IKZF2: variants seen among roughly 807,000 people sequenced by gnomAD.
IKZF2 encodes the protein zinc finger protein Helios.
IKZF2 carries 15 observed loss-of-function variants against 49.2 expected under a neutral mutation model. The ratio of observed to expected loss-of-function variants is 0.30; its 90% CI spans 0.20 to 0.47. The LOEUF is 0.47. Ranked by LOEUF, IKZF2 falls within the 20% of genes least tolerant of loss-of-function variation. The pLI is 1.00. For missense variants in IKZF2, 567 were observed against 664.6 expected (o/e 0.85, Z 1.61); for synonymous variants, 227 against 221.4 (o/e 1.03, Z -0.23).
rs1694835925 is a variant in IKZF2 at position 213,000,761 on chromosome 2, T to C, written c.*6599A>G. On this transcript the variant is annotated 3_prime_UTR_variant, in exon 9 of 9. Coordinates refer to ENST00000434687, the MANE Select transcript of IKZF2 (RefSeq NM_001387220.1). ...GCTTTGCTTTTATTTAAAAGTTTAT[T>C]TCTAAAAGGGGAGAAGTAAAATAAA... 1 of 151,952 alleles carries C rather than the reference T, an allele frequency of 6.6e-6. No individual in the cohort carries two copies. The highest frequency in any genetic ancestry group is 6.6e-5 in the Admixed American group (1 of 15,162). 9.4% of individuals were successfully genotyped at this position (151,952 alleles called of 1,614,324 possible). A position where few individuals can be genotyped will look rare whatever the true frequency, so the allele number is the denominator to read the frequency against.
chr2:213,128,463 C>T (rs1459655949), intron 4 of IKZF2, among the ~76,000 whole-genome samples: 1 of 152,138 alleles, frequency 6.6e-6, no homozygotes, highest in Non-Finnish European at 1.5e-5. Flanking sequence ...TCCCTTACGG[C>T]TTAACCCAAA....
chr2:213,050,777 G>T (rs997248640), intron 5 of IKZF2, among the ~76,000 whole-genome samples: 3 of 151,982 alleles, frequency 2.0e-5, no homozygotes, highest in Non-Finnish European at 2.9e-5. Flanking sequence ...AAACATGTAC[G>T]CAATGAAGCA....
intron 6 of IKZF2, among the ~76,000 whole-genome samples, chr2:213,028,273 C>A (rs1365369220): frequency 6.6e-6 from 1 of 152,082 alleles, no homozygotes; most frequent in Admixed American, 6.5e-5. Context: ...ACCAACAGAG[C>A]AAGTCTTAGG....
At chr2:213,085,784 C>T (rs1704511300) in intron 4 of IKZF2, among the ~76,000 whole-genome samples, 1 of 152,196 alleles carries the variant, frequency 6.6e-6, no homozygotes. Context: ...TGTATAACCT[C>T]TTTATGTTTT....
intron 4 of IKZF2, among the ~76,000 whole-genome samples, chr2:213,116,211 TTAA>T (rs2125803416): frequency 6.6e-6 from 1 of 152,310 alleles, no homozygotes; most frequent in East Asian, 1.9e-4. Context: ...TCTGTAGCTG[TTAA>T]TAATTATAAT....
intron 6 of IKZF2, among the ~76,000 whole-genome samples, chr2:213,036,785 C>T (rs1699075198): frequency 1.3e-5 from 2 of 152,000 alleles, no homozygotes; most frequent in African/African-American, 4.8e-5. Flanking sequence ...TCTTATTTGT[C>T]TGATTTTCTA....
chr2:213,114,521 A>T (rs112769760), intron 4 of IKZF2, among the ~76,000 whole-genome samples: 75 of 152,318 alleles, frequency 4.9e-4, no homozygotes, highest in African/African-American at 1.7e-3. Context: ...AGTGTATGAA[A>T]ATGAATGTGA....
At chr2:213,080,948 C>G (rs1703881106) in intron 4 of IKZF2, among the ~76,000 whole-genome samples, 1 of 151,996 alleles carries the variant, frequency 6.6e-6, no homozygotes, top group Non-Finnish European at 1.5e-5. Context: ...TTAAATATCC[C>G]TTTCATAAAG....
intron 6 of IKZF2, among the ~76,000 whole-genome samples, chr2:213,025,185 C>T (rs370618720): frequency 1.3e-5 from 2 of 152,216 alleles, no homozygotes; most frequent in Middle Eastern, 3.4e-3. Context: ...ATCCTACATT[C>T]GCCCTCACTG....
intron 4 of IKZF2, among the ~76,000 whole-genome samples, chr2:213,088,038 G>T (rs910253355): frequency 6.6e-6 from 1 of 152,186 alleles, no homozygotes; most frequent in Non-Finnish European, 1.5e-5. Flanking sequence ...GGATGGCTGG[G>T]TCAAATGATA....
At chr2:213,133,416 C>T (rs897120000) in intron 4 of IKZF2, among the ~76,000 whole-genome samples, 6 of 152,134 alleles carry the variant, frequency 3.9e-5, no homozygotes, top group Admixed American at 2.0e-4. Context: ...GGAAAACTTG[C>T]TCAATTCTGT....
intron 4 of IKZF2, among the ~76,000 whole-genome samples, chr2:213,112,897 T>A (rs567640346): frequency 2.4e-4 from 36 of 152,276 alleles, no homozygotes; most frequent in Non-Finnish European, 5.0e-4. Context: ...TGAGATTAAA[T>A]GAATTAATAC....
At position 213,086,433 on chromosome 2, in the gene IKZF2, A is replaced by G. The variant is rs559658934; in HGVS notation, c.140-29334T>C. Among the ~76,000 whole-genome samples, 8 of 152,364 alleles carry G rather than the reference A, an allele frequency of 5.3e-5. No individual in the cohort carries two copies. The South Asian group carries it at 1.7e-3, about 32-fold the overall frequency. On this transcript the variant is annotated intron_variant, in intron 4 of 8. Transcript: ENST00000434687. ...ATATGATGTATGATTTACAAAAAAC[A>G]GACTAAAATAAGCTCTAAATTTCTG...
chr2:213,119,927 T>C (rs1378951791), intron 4 of IKZF2, among the ~76,000 whole-genome samples: 1 of 152,186 alleles, frequency 6.6e-6, no homozygotes, highest in African/African-American at 2.4e-5. Flanking sequence ...ATAGTATCTG[T>C]TTGTTTGGAG....
In IKZF2 at chr2:213,094,065, A is replaced by T. The variant is rs183886693; in HGVS notation, c.140-36966T>A. Reference sequence around the variant, plus strand: ...TGAACATGTGAAAAGGGAAACATAAAAAGGTAAATAAGAACATCTTGTGGG... The same window carrying T: ...TGAACATGTGAAAAGGGAAACATAATAAGGTAAATAAGAACATCTTGTGGG... On this transcript the variant is annotated intron_variant, in intron 4 of 8. Coordinates refer to ENST00000434687, the MANE Select transcript of IKZF2 (RefSeq NM_001387220.1). 7.2e-5 allele frequency among the ~76,000 whole-genome samples: 11 copies of T among 152,310 alleles called. No homozygotes were observed. In the East Asian group the frequency reaches 1.9e-3, roughly 27 times the overall value.
chr2:213,143,496 T>C (rs2060943463), intron 4 of IKZF2, among the ~76,000 whole-genome samples: 1 of 151,934 alleles, frequency 6.6e-6, no homozygotes, highest in Admixed American at 6.6e-5. Context: ...TCTCTTTTGG[T>C]ACATAGTTAT....
intron 4 of IKZF2, 41 bp from the exon 5 acceptor site, chr2:213,057,140 T>G: frequency 2.0e-6 from 3 of 1,488,674 alleles, no homozygotes; most frequent in Non-Finnish European, 2.8e-6. Flanking sequence ...AAATACATGT[T>G]ATGTATTCTC....
At chr2:213,052,186 T>C (rs902413706) in intron 5 of IKZF2, among the ~76,000 whole-genome samples, 4 of 152,038 alleles carry the variant, frequency 2.6e-5, no homozygotes, top group Admixed American at 2.6e-4. Flanking sequence ...TGAATTTATA[T>C]GATCATCCCC....
intron 4 of IKZF2, among the ~76,000 whole-genome samples, chr2:213,128,400 A>T (rs1294097275): frequency 6.6e-6 from 1 of 152,200 alleles, no homozygotes; most frequent in Non-Finnish European, 1.5e-5. Flanking sequence ...AATCTAAGGA[A>T]CATTCCTAAG....
Sources: gnomAD v4.1 joint callset for allele counts (sites outside exome capture counted in the v4.1 genomes callset) on GRCh38, gnomAD v4.1.1 for gene constraint, MANE v1.5 for transcripts, NCBI Gene and HGNC (gene_info 2026-07-23, HGNC 2026-07-21) for gene names.